The following NEB variants were observed in gnomAD, a reference collection of about 807,000 sequenced individuals.
The protein encoded by NEB is nemaline myopathy type 2.
In NEB, 512 loss-of-function variants were observed where a neutral mutation model predicts 952.2. That is an observed-to-expected ratio of 0.54 (90% confidence interval 0.50 to 0.58). The LOEUF is 0.58. NEB is among the 20% of genes least tolerant of loss of function. The pLI is 0.00. For missense variants in NEB, 8,428 were observed against 9,231.1 expected, an observed-to-expected ratio of 0.91 and a Z score of 3.56; for synonymous variants, 2,900 against 3,149.8, an observed-to-expected ratio of 0.92 and a Z score of 2.66.
At position 151,690,760 on chromosome 2, in the gene NEB, C is replaced by T; in HGVS notation, c.2277G>A (p.Leu759=). ...FTAVTDSPVL[L]QAQLNTKQLS... ...GCTGTTTCGTGTTGAGCTGGGCTTG[C>T]AACAGTACAGGAGAATCAGTGACTG... The change falls in exon 24 of 182, where the codon TTG becomes TTA. Residue 759 remains leucine, a synonymous_variant. Coordinates refer to ENST00000397345, the MANE Select transcript of NEB (RefSeq NM_001164508.2). The T allele has an allele frequency of 6.3e-7, 1 of 1,598,740 alleles. No homozygotes were observed. Among genetic ancestry groups the T allele is most frequent in the Non-Finnish European group, 8.5e-7 (1 of 1,172,308 alleles).
Position 151,547,456 on chromosome 2 carries a change from G to A in NEB, c.20340C>T (p.Cys6780=), listed in dbSNP as rs2094858509. ...SLPYTPQVIH[C]RYVGDITSDI... is the part of the protein sequence containing the mutation. ...CACTGGTGATGTCTCCCACATAGCG[G>A]CAATGGATCACTTGGGGTGTGTATG... is the stretch of plus-strand genomic sequence containing the variant. Residue 6780 remains cysteine, a synonymous_variant, in exon 133 of 182, where the codon TGC becomes TGT. Coordinates refer to ENST00000397345, the MANE Select transcript of NEB (RefSeq NM_001164508.2). 1.2e-6 allele frequency: 2 copies of A among 1,604,408 alleles called. No homozygotes were observed.
At chr2:151,657,352 T>TG (rs1456127908) in intron 48 of NEB, among the ~76,000 whole-genome samples, 1 of 152,122 alleles carries the variant, frequency 6.6e-6, no homozygotes. Context: ...TCCCTGTGAG[T>TG]GGATTTCTTG....
At position 151,506,733 on chromosome 2, in the gene NEB, A is replaced by G. The variant is rs971573799; in HGVS notation, c.23556+176T>C. On this transcript the variant is annotated intron_variant, in intron 163 of 181. Coordinates refer to ENST00000397345, the MANE Select transcript of NEB (RefSeq NM_001164508.2). ...TGTTAGCAGATTTAAAGTTATTTCA[A>G]ATGGTCTCTGGAGATGATTTTGGAG... 1.1e-4 allele frequency among the ~76,000 whole-genome samples: 16 copies of G among 152,118 alleles called. 1 individual carries two copies. The highest frequency in any genetic ancestry group is 3.1e-4 in the African/African-American group (13 of 41,458).
At chr2:151,487,074 T>C (rs1177241927) in intron 181 of NEB, among the ~76,000 whole-genome samples, 1 of 152,234 alleles carries the variant, frequency 6.6e-6, no homozygotes, top group Non-Finnish European at 1.5e-5. Flanking sequence ...TGCGTGTGTG[T>C]GTACTGACAG....
chr2:151,669,272 G>C lies in NEB; in HGVS notation c.4507-141C>G, dbSNP rs896670967. 10 of 617,656 alleles carry C rather than the reference G, an allele frequency of 1.6e-5. No homozygotes were observed. The African/African-American group carries it at 1.8e-4, about 11-fold the overall frequency. 38.3% of individuals were successfully genotyped at this position (617,656 alleles called of 1,614,324 possible). On this transcript the variant is annotated intron_variant, in intron 38 of 181. Coordinates refer to ENST00000397345, the MANE Select transcript of NEB (RefSeq NM_001164508.2). ...AATACCTACTCTGTCATAAGGGAGGGGCCCTGGTAGATGCATTTATGTTCC... is the reference window on the plus strand; with the variant it reads ...AATACCTACTCTGTCATAAGGGAGGCGCCCTGGTAGATGCATTTATGTTCC...
At chr2:151,562,071 G>A (rs2096102803) in intron 121 of NEB, 39 bp downstream of exon 121, 3 of 1,481,350 alleles carry the variant, frequency 2.0e-6, no homozygotes, top group Non-Finnish European at 2.8e-6. Context: ...GGATTCTGAT[G>A]ACCCATGGAG....
chr2:151,606,062 C>A (rs1420676353), intron 84 of NEB, among the ~76,000 whole-genome samples: 1 of 87,418 alleles, frequency 1.1e-5, no homozygotes, highest in African/African-American at 2.9e-5. Context: ...TCAGGTGATC[C>A]GCCCACCTCA....
chr2:151,625,827 T>C (rs750779863), intron 70 of NEB, among the ~76,000 whole-genome samples, 189 bp from the exon 71 acceptor site: 18 of 152,074 alleles, frequency 1.2e-4, no homozygotes, highest in Non-Finnish European at 2.1e-4. Flanking sequence ...TATACTAAGA[T>C]ATGAAAAGAA....
chr2:151,695,831 T>C, intron 17 of NEB, 149 bp from the exon 18 acceptor site: 1 of 642,036 alleles, frequency 1.6e-6, no homozygotes, highest in South Asian at 1.9e-5. Context: ...TTACTGATCC[T>C]GTGTGCAGGA....
In NEB at chr2:151,629,611, C is replaced by CT. The variant is rs2098615734; in HGVS notation, c.9758dup (p.Lys3254GlufsTer8). On this transcript the variant is annotated frameshift_variant, in exon 68 of 182. Coordinates refer to ENST00000397345, the MANE Select transcript of NEB (RefSeq NM_001164508.2). LOFTEE classifies it high-confidence loss of function. ...CGTCACTTCGCAAGTCGTAGCCTTT[C>CT]TTTTTTGCTTCTTCATTGGCAAGTT... The CT allele has an allele frequency of 1.2e-6, 2 of 1,613,554 alleles. No individual in the cohort carries two copies. Among genetic ancestry groups the CT allele is most frequent in the Non-Finnish European group, 1.7e-6 (2 of 1,179,740 alleles).
intron 63 of NEB, among the ~76,000 whole-genome samples, chr2:151,637,526 C>G (rs144454775): frequency 1.3e-5 from 2 of 152,108 alleles, no homozygotes; most frequent in South Asian, 2.1e-4. Context: ...CAGAGGGGAG[C>G]GCCCATGGCA....
At chr2:151,642,205 T>C (rs748570482) in intron 60 of NEB, among the ~76,000 whole-genome samples, 2 of 152,214 alleles carry the variant, frequency 1.3e-5, no homozygotes, top group African/African-American at 2.4e-5. Flanking sequence ...ATTCAGCCCT[T>C]GTAGATTCAT....
chr2:151,552,462 C>A (rs919959052), intron 128 of NEB, among the ~76,000 whole-genome samples: 1 of 152,196 alleles, frequency 6.6e-6, no homozygotes, highest in Non-Finnish European at 1.5e-5. Flanking sequence ...AGACTCGCAT[C>A]ACCTACAACT....
rs746552340 is a variant in NEB, at chr2:151,568,360, G to A, written c.17692C>T (p.Pro5898Ser). The A allele has an allele frequency of 1.1e-5, 18 of 1,613,596 alleles. No homozygotes were observed. The Admixed American group carries it at 1.2e-4, about 10-fold the overall frequency. ...GCCTCCTGGGCAGTGTGCAGCAGGG[G>A]GGTTTCTGTGAGGGTGTACTTTGAT... ...TKSKYTLTET[P>S]LLHTAQEAAR... Residue 5898 changes from proline (P) to serine (S), a missense_variant, in exon 112 of 182, where the codon CCC becomes TCC. Physicochemically the swap from Pro to Ser is moderately conservative, Grantham distance 74 (BLOSUM62 -1). Transcript: ENST00000397345.
At chr2:151,668,576 T>C (rs889857680) in intron 39 of NEB, among the ~76,000 whole-genome samples, 31 of 152,196 alleles carry the variant, frequency 2.0e-4, no homozygotes, top group African/African-American at 7.5e-4. Flanking sequence ...ATAGTGGATT[T>C]AAACATTACC....
chr2:151,491,609 C>T, intron 179 of NEB, 74 bp downstream of exon 179: 2 of 1,253,342 alleles, frequency 1.6e-6, no homozygotes, highest in Non-Finnish European at 2.3e-6. Flanking sequence ...AACTTCAGAG[C>T]CCAAATGAAA....
chr2:151,630,959 C>T (rs1214969877), intron 66 of NEB, 140 bp from the exon 67 acceptor site: 2 of 1,150,090 alleles, frequency 1.7e-6, no homozygotes, highest in East Asian at 2.5e-5. Flanking sequence ...AAGTGTGAGT[C>T]TTATTACTAG....
rs1275533758 is a variant in NEB, at chr2:151,677,548, T to C, written c.3774+17A>G. Reference sequence around the variant, plus strand: ...CTTCCTCCATATCCTCTGTCCTCTCTATTTTATTGTACTCACATCACTGAC... The same window carrying C: ...CTTCCTCCATATCCTCTGTCCTCTCCATTTTATTGTACTCACATCACTGAC... On this transcript the variant is annotated intron_variant, in intron 34 of 181. Transcript: ENST00000397345. The C allele has an allele frequency of 1.9e-6, 3 of 1,596,022 alleles. No homozygotes were observed. The highest frequency in any genetic ancestry group is 2.6e-6 in the Non-Finnish European group (3 of 1,167,086).
intron 44 of NEB, among the ~76,000 whole-genome samples, chr2:151,664,207 T>A (rs961046630): frequency 1.3e-5 from 2 of 152,232 alleles, no homozygotes; most frequent in African/African-American, 4.8e-5. Context: ...GGCCTGGCCA[T>A]GGGCCTCCTG....
Sources: allele counts gnomAD v4.1 joint callset (sites outside exome capture counted in the v4.1 genomes callset), GRCh38; gene constraint gnomAD v4.1.1; transcripts MANE v1.5; gene names NCBI Gene and HGNC (gene_info 2026-07-23, HGNC 2026-07-21).